CCNYL1: variants seen among roughly 807,000 people sequenced by gnomAD.
CCNYL1 encodes the protein cyclin Y like 1.
CCNYL1 carries 16 observed loss-of-function variants against 44.2 expected under a neutral mutation model. That is an observed-to-expected ratio of 0.36 (90% CI 0.25 to 0.55). The LOEUF is 0.55. Ranked by LOEUF, CCNYL1 falls within the 20% of genes least tolerant of loss-of-function variation. The pLI is 0.85. For synonymous variants in CCNYL1, 159 were observed against 163.2 expected (o/e 0.97, Z 0.20); for missense variants, 348 against 451.8 (o/e 0.77, Z 2.08).
chr2:207,728,842 G>T (rs756929883), intron 3 of CCNYL1, among the ~76,000 whole-genome samples: 14 of 151,912 alleles, frequency 9.2e-5, no homozygotes, highest in Non-Finnish European at 1.6e-4. Context: ...CTGTTGCCAG[G>T]CTTGAGTGCA....
intron 7 of CCNYL1, among the ~76,000 whole-genome samples, chr2:207,744,757 G>T (rs911686367): frequency 6.6e-6 from 1 of 152,158 alleles, no homozygotes; most frequent in African/African-American, 2.4e-5. Context: ...TATGCTGATG[G>T]CTTGAAGAGA....
At position 207,755,413 on chromosome 2, in the gene CCNYL1, TTTTGTAAAGG is replaced by T. The variant is rs2091924847; in HGVS notation, c.*1722_*1731del. The stretch of plus-strand genomic sequence containing the variant: ...GCAGAAGAAAAATGTTCAGACAAGG[TTTTGTAAAGG>T]TTTGTAGCATTTATATTTCTACAAG... On this transcript the variant is annotated 3_prime_UTR_variant, in exon 10 of 10. Transcript: ENST00000295414. The T allele has an allele frequency of 6.6e-6, 1 of 152,066 alleles. No individual in the cohort carries two copies. Among genetic ancestry groups the T allele is most frequent in the South Asian group, 2.1e-4 (1 of 4,820 alleles). 9.4% of individuals were successfully genotyped at this position (152,066 alleles called of 1,614,324 possible).
rs1008879734 is a variant in CCNYL1, at chr2:207,750,876, C to G, written c.807-81C>G. On this transcript the variant is annotated intron_variant, in intron 8 of 9. Coordinates refer to ENST00000295414, the MANE Select transcript of CCNYL1 (RefSeq NM_001330218.2). Reference sequence around the variant, plus strand: ...AAATAGAGTTTAGAGCCATTCTAGTCTCTTAGAATGATATTTTTGAAGATA... The same window carrying G: ...AAATAGAGTTTAGAGCCATTCTAGTGTCTTAGAATGATATTTTTGAAGATA... 30 of 1,208,652 alleles carry G rather than the reference C, an allele frequency of 2.5e-5. No individual in the cohort carries two copies. The Admixed American group carries it at 2.6e-4, about 11-fold the overall frequency. The allele number at this position is 1,208,652 out of a possible 1,614,324, so 74.9% of individuals were successfully genotyped here.
chr2:207,713,444 C>T (rs1256733718), intron 1 of CCNYL1, among the ~76,000 whole-genome samples: 1 of 152,092 alleles, frequency 6.6e-6, no homozygotes, highest in East Asian at 1.9e-4. Flanking sequence ...GACTCTAAAC[C>T]GTTGAGGTAG....
At chr2:207,726,911 G>T in intron 3 of CCNYL1, 35 bp downstream of exon 3, 1 of 1,468,480 alleles carries the variant, frequency 6.8e-7, no homozygotes, top group Middle Eastern at 1.8e-4. Flanking sequence ...GAAATTAACA[G>T]TTGAATTAAA....
intron 1 of CCNYL1, among the ~76,000 whole-genome samples, chr2:207,712,454 T>C (rs2091557945): frequency 6.6e-6 from 1 of 152,178 alleles, no homozygotes; most frequent in Admixed American, 6.5e-5. Flanking sequence ...ATTGTTTTCC[T>C]TTTCTCAATG....
intron 3 of CCNYL1, among the ~76,000 whole-genome samples, chr2:207,728,979 A>C (rs560808380): frequency 2.6e-5 from 4 of 151,974 alleles, no homozygotes; most frequent in Admixed American, 6.6e-5. Context: ...TTGTATTTTT[A>C]GTAAAGAAGG....
intron 3 of CCNYL1, among the ~76,000 whole-genome samples, chr2:207,727,352 ATAT>A (rs929666441): frequency 3.3e-5 from 5 of 152,056 alleles, no homozygotes; most frequent in African/African-American, 7.2e-5. Flanking sequence ...GATTATACAG[ATAT>A]TATTCACTGC....
chr2:207,737,297 A>T (rs1034745565), intron 4 of CCNYL1, 114 bp from the exon 5 acceptor site: 3 of 769,044 alleles, frequency 3.9e-6, no homozygotes, highest in Non-Finnish European at 6.8e-6. Flanking sequence ...GTTCTGAACT[A>T]GAGGATTTCA....
At chr2:207,729,988 C>T (rs2091714605) in intron 3 of CCNYL1, among the ~76,000 whole-genome samples, 1 of 152,018 alleles carries the variant, frequency 6.6e-6, no homozygotes, top group South Asian at 2.1e-4. Context: ...GCTGGGATTA[C>T]AGGTGTGAGT....
intron 6 of CCNYL1, among the ~76,000 whole-genome samples, chr2:207,741,655 G>C (rs1454873782): frequency 1.3e-5 from 2 of 151,410 alleles, no homozygotes; most frequent in Non-Finnish European, 2.9e-5. Flanking sequence ...GACCAGCCTG[G>C]CCAGCATGGT....
At chr2:207,722,073 ATTT>A (rs397987558) in intron 1 of CCNYL1, among the ~76,000 whole-genome samples, 4 of 119,432 alleles carry the variant, frequency 3.3e-5, no homozygotes, top group African/African-American at 3.2e-5. Flanking sequence ...GTTGCCTTGG[ATTT>A]TTTTTTTTTT....
intron 8 of CCNYL1, among the ~76,000 whole-genome samples, chr2:207,749,849 A>C (rs2105841747): frequency 6.6e-6 from 1 of 152,230 alleles, no homozygotes; most frequent in East Asian, 1.9e-4. Context: ...GGAGATCATC[A>C]AGCATTTGTT....
At chr2:207,750,551 T>C (rs1233518956) in intron 8 of CCNYL1, 1 of 154,356 alleles carries the variant, frequency 6.5e-6, no homozygotes, top group Admixed American at 6.5e-5. Context: ...ATAAGCCCCT[T>C]CCTGTTATCA....
chr2:207,750,747 AC>A, intron 8 of CCNYL1: 1 of 476,262 alleles, frequency 2.1e-6, no homozygotes, highest in Non-Finnish European at 3.7e-6. Flanking sequence ...GTAACCTTCA[AC>A]CTTCATCCCA....
At chr2:207,731,093 A>G (rs936526387) in intron 3 of CCNYL1, among the ~76,000 whole-genome samples, 1 of 152,196 alleles carries the variant, frequency 6.6e-6, no homozygotes, top group African/African-American at 2.4e-5. Context: ...ATATTGCCCC[A>G]TTACTGTGCA....
At chr2:207,724,746 AATC>A (rs2091666975) in intron 1 of CCNYL1, 51 bp from the exon 2 acceptor site, 1 of 1,294,084 alleles carries the variant, frequency 7.7e-7, no homozygotes, top group Non-Finnish European at 1.1e-6. Flanking sequence ...CTATTTCAGA[AATC>A]ATCTTTTCTA....
chr2:207,732,270 T>G (rs2091734412), intron 3 of CCNYL1, among the ~76,000 whole-genome samples: 1 of 152,226 alleles, frequency 6.6e-6, no homozygotes, highest in South Asian at 2.1e-4. Context: ...TGAGTTTAGA[T>G]ATAGTTGAAA....
intron 9 of CCNYL1, among the ~76,000 whole-genome samples, chr2:207,752,422 T>C (rs375863986): frequency 2.0e-5 from 3 of 151,750 alleles, no homozygotes; most frequent in East Asian, 1.9e-4. Flanking sequence ...GACGCCCAGT[T>C]ACTCAGGAGG....
Sources: gnomAD v4.1 joint callset for allele counts (sites outside exome capture counted in the v4.1 genomes callset) on GRCh38, gnomAD v4.1.1 for gene constraint, MANE v1.5 for transcripts, NCBI Gene and HGNC (gene_info 2026-07-23, HGNC 2026-07-21) for gene names.